Variants in GRIP1 observed in about 807,000 individuals in gnomAD.
The protein encoded by GRIP1 is glutamate receptor-interacting protein 1.
In GRIP1, 45 loss-of-function variants were observed where a neutral mutation model predicts 129.9. That is an observed-to-expected ratio of 0.35 (90% CI 0.27 to 0.44). The LOEUF is 0.44. GRIP1 is among the 20% of genes least tolerant of loss of function. The probability of loss-of-function intolerance (pLI) is 1.00; values close to 1 mark genes in which losing one functional copy is unlikely to be tolerated. For missense variants in GRIP1, 1,196 were observed against 1,396.8 expected, an observed-to-expected ratio of 0.86 and a Z score of 2.29; for synonymous variants, 530 against 520.8, an observed-to-expected ratio of 1.02 and a Z score of -0.24.
intron 1 of GRIP1, among the ~76,000 whole-genome samples, chr12:67,049,202 A>G (rs143714535): frequency 3.4e-4 from 52 of 152,308 alleles, no homozygotes; most frequent in African/African-American, 1.1e-3. Context: ...ATTCTGTTTC[A>G]TAAACAATTT....
chr12:66,815,720 T>C (rs1423660748), intron 1 of GRIP1, among the ~76,000 whole-genome samples: 2 of 151,898 alleles, frequency 1.3e-5, no homozygotes, highest in African/African-American at 4.8e-5. Flanking sequence ...GCCAAGATCA[T>C]GCTGCTGCAC....
chr12:66,457,663 C>A (rs116230427), intron 9 of GRIP1, among the ~76,000 whole-genome samples: 1 of 152,130 alleles, frequency 6.6e-6, no homozygotes, highest in Non-Finnish European at 1.5e-5. Flanking sequence ...AAAGGACAGT[C>A]GTTTAGATAA....
At chr12:66,951,490 T>C (rs2041756912) in intron 1 of GRIP1, among the ~76,000 whole-genome samples, 1 of 151,996 alleles carries the variant, frequency 6.6e-6, no homozygotes, top group African/African-American at 2.4e-5. Flanking sequence ...TGACATGAGG[T>C]TGGAGGGGTC....
At chr12:66,884,726 G>C (rs1241066820) in intron 1 of GRIP1, among the ~76,000 whole-genome samples, 1 of 152,096 alleles carries the variant, frequency 6.6e-6, no homozygotes, top group Admixed American at 6.6e-5. Context: ...GGGCAGAAAG[G>C]CAAAGCAGAA....
At chr12:66,818,852 C>T (rs937922515) in intron 1 of GRIP1, among the ~76,000 whole-genome samples, 3 of 152,112 alleles carry the variant, frequency 2.0e-5, no homozygotes, top group Non-Finnish European at 4.4e-5. Flanking sequence ...ATAGACTATA[C>T]TTTGAGATCC....
chr12:67,002,340 C>T (rs2042563496), intron 1 of GRIP1, among the ~76,000 whole-genome samples: 1 of 152,136 alleles, frequency 6.6e-6, no homozygotes, highest in Admixed American at 6.6e-5. Flanking sequence ...AATTCACTGA[C>T]CTAAATATTA....
intron 1 of GRIP1, chr12:66,804,032 A>G (rs2038930781): frequency 2.3e-6 from 1 of 441,918 alleles, no homozygotes; most frequent in South Asian, 1.6e-5. Context: ...AAGGAACCGG[A>G]GGATGGAGAG....
intron 13 of GRIP1, among the ~76,000 whole-genome samples, chr12:66,436,149 A>T (rs184622736): frequency 6.6e-6 from 1 of 152,246 alleles, no homozygotes; most frequent in East Asian, 1.9e-4. Flanking sequence ...TAATGCTATA[A>T]TTAAAAACAC....
At chr12:66,429,372 T>C (rs977463284) in intron 14 of GRIP1, among the ~76,000 whole-genome samples, 1 of 152,168 alleles carries the variant, frequency 6.6e-6, no homozygotes, top group Non-Finnish European at 1.5e-5. Context: ...CCTTCTTATG[T>C]TGGCACTAGA....
chr12:66,687,758 G>A (rs964171122), intron 1 of GRIP1, among the ~76,000 whole-genome samples: 21 of 152,062 alleles, frequency 1.4e-4, no homozygotes, highest in Middle Eastern at 6.3e-3. Flanking sequence ...ACCCACTCTC[G>A]GTCCATGTGG....
At chr12:66,363,157 A>C (rs969999086) in intron 23 of GRIP1, among the ~76,000 whole-genome samples, 1 of 113,008 alleles carries the variant, frequency 8.8e-6, no homozygotes, top group Admixed American at 9.8e-5. Flanking sequence ...ACATATATAC[A>C]TATATATACA....
chr12:66,445,740 C>G (rs2058604485), intron 11 of GRIP1, among the ~76,000 whole-genome samples: 1 of 152,136 alleles, frequency 6.6e-6, no homozygotes, highest in Non-Finnish European at 1.5e-5. Context: ...ACTCCTCAAA[C>G]CAGGGATCAT....
chr12:66,967,940 T>C (rs2137560398), intron 1 of GRIP1, among the ~76,000 whole-genome samples: 1 of 152,306 alleles, frequency 6.6e-6, no homozygotes, highest in South Asian at 2.1e-4. Context: ...TTTATACATG[T>C]CAATTAGATC....
chr12:66,781,213 C>G (rs17827198), intron 1 of GRIP1, among the ~76,000 whole-genome samples: 7,565 of 152,232 alleles, frequency 0.05, 333 homozygotes, highest in East Asian at 0.17. Flanking sequence ...AAGGGTTCCC[C>G]TTTCAAAAGA....
chr12:66,907,067 T>C (rs1007732531), intron 1 of GRIP1, among the ~76,000 whole-genome samples: 5 of 152,220 alleles, frequency 3.3e-5, no homozygotes, highest in Non-Finnish European at 7.3e-5. Context: ...GGATCCCACA[T>C]TGCACTTTGT....
intron 1 of GRIP1, among the ~76,000 whole-genome samples, chr12:66,990,593 A>G (rs1166277449): frequency 1.3e-5 from 2 of 152,226 alleles, no homozygotes; most frequent in Non-Finnish European, 2.9e-5. Flanking sequence ...CAACCTGAGG[A>G]AGGCAATTTA....
intron 19 of GRIP1, among the ~76,000 whole-genome samples, chr12:66,382,586 T>C (rs1472361223): frequency 6.6e-6 from 1 of 152,116 alleles, no homozygotes; most frequent in Non-Finnish European, 1.5e-5. Context: ...AGATGCCCAT[T>C]GTTACTATAT....
intron 1 of GRIP1, among the ~76,000 whole-genome samples, chr12:66,632,429 A>G (rs2030901356): frequency 6.6e-6 from 1 of 152,174 alleles, no homozygotes; most frequent in Non-Finnish European, 1.5e-5. Flanking sequence ...GGAACACTTG[A>G]AGACCACTAG....
intron 1 of GRIP1, among the ~76,000 whole-genome samples, chr12:66,988,769 G>T (rs1013927130): frequency 2.0e-5 from 3 of 152,002 alleles, no homozygotes; most frequent in African/African-American, 2.4e-5. Flanking sequence ...ATATAATATG[G>T]TTTTTTCATT....
Sources: gnomAD v4.1 joint callset for allele counts (sites outside exome capture counted in the v4.1 genomes callset) on GRCh38, gnomAD v4.1.1 for gene constraint, MANE v1.5 for transcripts, NCBI Gene and HGNC (gene_info 2026-07-23, HGNC 2026-07-21) for gene names.